Variants in RBMS3 observed in about 807,000 individuals in gnomAD.
RBMS3 encodes the protein RNA-binding motif, single-stranded-interacting protein 3.
In RBMS3, 27 loss-of-function variants were observed where a neutral mutation model predicts 66.8. The observed-to-expected ratio is 0.40, with a 90% CI of 0.30 to 0.56. The LOEUF (loss-of-function observed/expected upper bound fraction) is 0.56. Among genes scored for constraint, RBMS3 ranks in the 20% least tolerant of loss-of-function variants. The pLI, the probability that RBMS3 is intolerant of heterozygous loss-of-function variation, is 0.40. For missense variants in RBMS3, 513 were observed against 549.5 expected, an observed-to-expected ratio of 0.93 and a Z score of 0.66; for synonymous variants, 188 against 183.0, an observed-to-expected ratio of 1.03 and a Z score of -0.22.
chr3:29,650,819 A>T (rs370529441), intron 4 of RBMS3, among the ~76,000 whole-genome samples: 2 of 152,220 alleles, frequency 1.3e-5, no homozygotes, highest in African/African-American at 4.8e-5. Flanking sequence ...CTGCATTCTT[A>T]TGAGACTAAT....
intron 1 of RBMS3, among the ~76,000 whole-genome samples, chr3:29,393,951 A>G (rs920702007): frequency 6.6e-6 from 1 of 152,210 alleles, no homozygotes; most frequent in African/African-American, 2.4e-5. Context: ...AATTAGAATT[A>G]CTGATGAGGT....
At chr3:29,759,757 C>A (rs901479987) in intron 5 of RBMS3, among the ~76,000 whole-genome samples, 1 of 152,044 alleles carries the variant, frequency 6.6e-6, no homozygotes, top group African/African-American at 2.4e-5. Context: ...TTTTGTTCTG[C>A]TTCCACGTAA....
chr3:29,560,239 G>A (rs62236004), intron 3 of RBMS3, among the ~76,000 whole-genome samples: 1 of 152,108 alleles, frequency 6.6e-6, no homozygotes, highest in African/African-American at 2.4e-5. Flanking sequence ...CCAAAAATAA[G>A]AGCCCATCTG....
intron 1 of RBMS3, among the ~76,000 whole-genome samples, chr3:29,376,694 T>A (rs2038489073): frequency 6.6e-6 from 1 of 152,036 alleles, no homozygotes; most frequent in South Asian, 2.1e-4. Context: ...GATCACGAGG[T>A]CAGGAGATGG....
At chr3:29,342,274 C>T (rs1350336082) in intron 1 of RBMS3, among the ~76,000 whole-genome samples, 3 of 152,042 alleles carry the variant, frequency 2.0e-5, no homozygotes, top group Non-Finnish European at 4.4e-5. Flanking sequence ...GTTCTTTCTG[C>T]TACTCACAGA....
intron 1 of RBMS3, among the ~76,000 whole-genome samples, chr3:29,306,355 T>C (rs998149872): frequency 6.6e-6 from 1 of 151,964 alleles, no homozygotes; most frequent in Non-Finnish European, 1.5e-5. Context: ...AAAGAGACTA[T>C]TGGCTTCTTC....
chr3:29,619,518 C>G (rs1226260940), intron 4 of RBMS3, among the ~76,000 whole-genome samples: 1 of 152,028 alleles, frequency 6.6e-6, no homozygotes, highest in East Asian at 1.9e-4. Context: ...TTTAAGACAC[C>G]AGATGGGCAA....
chr3:29,898,948 T>G (rs1221999278), intron 9 of RBMS3, among the ~76,000 whole-genome samples: 2 of 151,588 alleles, frequency 1.3e-5, no homozygotes, highest in African/African-American at 2.4e-5. Context: ...ACAGCAATGA[T>G]CGATGTTGTT....
rs537019726 is a variant in RBMS3 at position 29,750,764 on chromosome 3, G to C, written c.557+10887G>C. Among the ~76,000 whole-genome samples the C allele has an allele frequency of 2.6e-5, 4 of 152,116 alleles. No homozygotes were observed. In the East Asian group the frequency reaches 7.7e-4, roughly 29 times the overall value. On this transcript the variant is annotated intron_variant, in intron 5 of 14. Coordinates refer to ENST00000383767, the MANE Select transcript of RBMS3 (RefSeq NM_001003793.3). Reference sequence around the variant, plus strand: ...TCCCCTCTATTTGCCCATATAAACAGCATTTCTTATTTGACAATGCTTCCT... The same window carrying C: ...TCCCCTCTATTTGCCCATATAAACACCATTTCTTATTTGACAATGCTTCCT...
chr3:29,559,110 T>A (rs2046454066), intron 3 of RBMS3, among the ~76,000 whole-genome samples: 2 of 152,110 alleles, frequency 1.3e-5, no homozygotes, highest in African/African-American at 4.8e-5. Context: ...ACAAAGATAG[T>A]GAGGAAATCC....
intron 1 of RBMS3, among the ~76,000 whole-genome samples, chr3:29,404,483 T>C (rs2125672403): frequency 6.6e-6 from 1 of 152,292 alleles, no homozygotes; most frequent in East Asian, 1.9e-4. Flanking sequence ...GTCCAACTTA[T>C]ATAAATGAGT....
chr3:29,878,103 A>G (rs1577055370), intron 7 of RBMS3, among the ~76,000 whole-genome samples: 1 of 152,122 alleles, frequency 6.6e-6, no homozygotes, highest in East Asian at 1.9e-4. Context: ...GGAGTGTGCA[A>G]CCTAGATCCC....
chr3:29,698,716 A>C (rs1377776113), intron 4 of RBMS3: 1 of 615,534 alleles, frequency 1.6e-6, no homozygotes, highest in Admixed American at 6.3e-5. Context: ...GGACTATGCT[A>C]TTCTTAATGT....
intron 11 of RBMS3, among the ~76,000 whole-genome samples, chr3:29,941,247 G>T (rs2061387330): frequency 6.6e-6 from 1 of 151,732 alleles, no homozygotes; most frequent in Non-Finnish European, 1.5e-5. Context: ...GCATTTTTCA[G>T]TCACACCACT....
At chr3:29,499,958 G>T (rs1429312187) in intron 3 of RBMS3, among the ~76,000 whole-genome samples, 4 of 151,968 alleles carry the variant, frequency 2.6e-5, no homozygotes, top group African/African-American at 9.7e-5. Context: ...GAAATCATGT[G>T]GTGAAATTCC....
chr3:29,692,013 A>G (rs1338582993), intron 4 of RBMS3, among the ~76,000 whole-genome samples: 1 of 137,744 alleles, frequency 7.3e-6, no homozygotes, highest in Non-Finnish European at 1.5e-5. Flanking sequence ...GCAATGGCAC[A>G]ATCTCAGCTC....
intron 1 of RBMS3, among the ~76,000 whole-genome samples, chr3:29,376,776 G>A (rs1051902533): frequency 6.6e-6 from 1 of 152,106 alleles, no homozygotes. Flanking sequence ...CGTGGTGGCG[G>A]GCGCCTGTAG....
chr3:29,816,053 T>G (rs1380115544), intron 6 of RBMS3, among the ~76,000 whole-genome samples: 1 of 152,154 alleles, frequency 6.6e-6, no homozygotes, highest in Admixed American at 6.6e-5. Flanking sequence ...AAACATTAAT[T>G]TTTAGTAATT....
intron 3 of RBMS3, among the ~76,000 whole-genome samples, chr3:29,557,303 AAAATTC>A (rs1450155622): frequency 2.0e-5 from 3 of 152,172 alleles, no homozygotes; most frequent in Non-Finnish European, 2.9e-5. Context: ...TCCAGTAACT[AAAATTC>A]AACAACCAGA....
Sources: gnomAD v4.1 joint callset for allele counts (sites outside exome capture counted in the v4.1 genomes callset) on GRCh38, gnomAD v4.1.1 for gene constraint, MANE v1.5 for transcripts, NCBI Gene and HGNC (gene_info 2026-07-23, HGNC 2026-07-21) for gene names.